Variants in ENOSF1 observed in about 807,000 individuals in gnomAD.
ENOSF1 encodes enolase superfamily member 1, also known as mitochondrial enolase superfamily member 1.
ENOSF1 carries 73 observed loss-of-function variants against 68.2 expected under a neutral mutation model. That is an observed-to-expected ratio of 1.07 (90% CI 0.89 to 1.30). ENOSF1 has a LOEUF of 1.30. Among genes scored for constraint, ENOSF1 ranks in the 50% most tolerant of loss-of-function variants. The probability of loss-of-function intolerance (pLI) is 0.00; values close to 1 mark genes in which losing one functional copy is unlikely to be tolerated. For missense variants in ENOSF1, 589 were observed against 554.5 expected (o/e 1.06, Z -0.62); for synonymous variants, 223 against 210.4 (o/e 1.06, Z -0.52).
chr18:668,944 A>G, downstream of ENOSF1: 1 of 664,126 alleles, frequency 1.5e-6, no homozygotes, highest in Non-Finnish European at 2.5e-6. Flanking sequence ...AGGATGCACC[A>G]GATGTCTTGT....
At chr18:706,694 C>A (rs1224685844) in intron 1 of ENOSF1, 116 bp from the exon 2 acceptor site, 1 of 707,462 alleles carries the variant, frequency 1.4e-6, no homozygotes, top group East Asian at 2.6e-5. Flanking sequence ...CACAAGAGCT[C>A]CCATAGAAGG....
chr18:670,944 T>C lies in ENOSF1; in HGVS notation c.*3361A>G. 1 of 1,520,448 alleles carries C rather than the reference T, an allele frequency of 6.6e-7. No individual in the cohort carries two copies. The highest frequency in any genetic ancestry group is 2.1e-4 in the Middle Eastern group (1 of 4,820). The allele number at this position is 1,520,448 out of a possible 1,614,324, so 94.2% of individuals were successfully genotyped here. Reference sequence around the variant, plus strand: ...AGTTCTTTAATATGGGAAAACAAATTGCAGAGTTTAGTCTCTGATTAGCTT... The same window carrying C: ...AGTTCTTTAATATGGGAAAACAAATCGCAGAGTTTAGTCTCTGATTAGCTT... On this transcript the variant is annotated 3_prime_UTR_variant, in exon 16 of 16. Coordinates refer to ENST00000647584, the MANE Select transcript of ENOSF1 (RefSeq NM_017512.7).
intron 11 of ENOSF1, among the ~76,000 whole-genome samples, chr18:678,939 G>A (rs2075792143): frequency 6.6e-6 from 1 of 152,184 alleles, no homozygotes. Flanking sequence ...GAGCACTGCT[G>A]AGCTGCCACC....
intron 2 of ENOSF1, among the ~76,000 whole-genome samples, chr18:698,264 T>C (rs1254979491): frequency 6.6e-6 from 1 of 152,248 alleles, no homozygotes; most frequent in Non-Finnish European, 1.5e-5. Context: ...ATTATTTTCC[T>C]ATTCACTTTG....
intron 2 of ENOSF1, among the ~76,000 whole-genome samples, chr18:699,055 A>G (rs2078047333): frequency 6.6e-6 from 1 of 152,090 alleles, no homozygotes; most frequent in South Asian, 2.1e-4. Flanking sequence ...GCTATGTTGC[A>G]TGGGGCAGTG....
downstream of ENOSF1, among the ~76,000 whole-genome samples, chr18:666,957 A>ATGGTGATGGAGATGGTGATGGT (rs2074839460): frequency 1.3e-4 from 3 of 22,824 alleles, no homozygotes; most frequent in Admixed American, 9.7e-4. Flanking sequence ...ATGGTGATGG[A>ATGGTGATGGAGATGGTGATGGT]GATGGAGATG....
At chr18:667,992 ATTTTTT>A (rs60409589), downstream of ENOSF1, among the ~76,000 whole-genome samples, 3 of 105,388 alleles carry the variant, frequency 2.8e-5, no homozygotes, top group South Asian at 3.5e-4. Flanking sequence ...ATTCACAGGA[ATTTTTT>A]TTTTTTTTTT....
chr18:693,145 T>TA, intron 5 of ENOSF1: 1 of 1,289,022 alleles, frequency 7.8e-7, no homozygotes, highest in East Asian at 5.6e-5. Flanking sequence ...TTTGCCCAGT[T>TA]TTTTCCTCCT....
chr18:688,443 T>C (rs1367153730), intron 9 of ENOSF1, 131 bp downstream of exon 9: 3 of 1,127,006 alleles, frequency 2.7e-6, no homozygotes, highest in Non-Finnish European at 3.9e-6. Flanking sequence ...ACTTCTCTTA[T>C]GCATCCCTAT....
rs2075093717 is a variant in ENOSF1 at position 672,205 on chromosome 18, C to T, written c.*2100G>A. ...AATGGCAATAAAAATGTAAGTTCAT[C>T]TGCTTCATGAGCCTTAAGGAAAAAA... On this transcript the variant is annotated 3_prime_UTR_variant, in exon 16 of 16. Coordinates refer to ENST00000647584, the MANE Select transcript of ENOSF1 (RefSeq NM_017512.7). 1 of 152,264 alleles carries T rather than the reference C, an allele frequency of 6.6e-6. No homozygotes were observed. Among genetic ancestry groups the T allele is most frequent in the South Asian group, 2.1e-4 (1 of 4,828 alleles). 9.4% of individuals were successfully genotyped at this position (152,264 alleles called of 1,614,324 possible).
intron 3 of ENOSF1, among the ~76,000 whole-genome samples, chr18:695,000 CAG>C (rs1473911440): frequency 6.6e-6 from 1 of 152,164 alleles, no homozygotes; most frequent in Non-Finnish European, 1.5e-5. Context: ...TAATCACACT[CAG>C]GGAATATAAC....
downstream of ENOSF1, chr18:667,571 A>AGATGGTGATGGTGATGGAGATGGT (rs2074880059): frequency 1.4e-4 from 4 of 27,966 alleles, no homozygotes; most frequent in East Asian, 1.5e-3. Flanking sequence ...ATGGTGATGG[A>AGATGGTGATGGTGATGGAGATGGT]GATGGTGATG....
intron 5 of ENOSF1, chr18:692,337 T>C (rs972900744): frequency 2.6e-5 from 4 of 152,228 alleles, no homozygotes; most frequent in East Asian, 1.9e-4. Flanking sequence ...CCAGGTTCGG[T>C]GGCTCACATC....
chr18:706,555 A>G lies in ENOSF1; in HGVS notation c.108T>C (p.Ala36=), dbSNP rs780247501. ...CATCAGTTTCTATGACGACATAGGC[A>G]GCCGAGTAGTCAGGGTCCGTGTGCT... is the stretch of plus-strand genomic sequence containing the variant. The part of the protein sequence containing the change: ...DAMHTDPDYS[A]AYVVIETDAE... Residue 36 remains alanine (A), a synonymous_variant, in exon 2 of 16, where the codon GCT becomes GCC. Transcript: ENST00000647584. 2 of 1,613,764 alleles carry G rather than the reference A, an allele frequency of 1.2e-6. No homozygotes were observed. The highest frequency in any genetic ancestry group is 2.2e-5 in the East Asian group (1 of 44,884).
chr18:694,888 A>T (rs904983725), intron 3 of ENOSF1, among the ~76,000 whole-genome samples: 2 of 152,090 alleles, frequency 1.3e-5, no homozygotes, highest in Non-Finnish European at 1.5e-5. Flanking sequence ...TTTTTTCTGA[A>T]CCATTTGAAT....
chr18:672,722 G>GCAAGGT lies in ENOSF1; in HGVS notation c.*1577_*1582dup. 1.1e-6 allele frequency: 1 copy of GCAAGGT among 937,776 alleles called. No individual in the cohort carries two copies. The allele number at this position is 937,776 out of a possible 1,614,324, so 58.1% of individuals were successfully genotyped here. A position where few individuals can be genotyped will look rare whatever the true frequency, so the allele number is the denominator to read the frequency against. ...CTCCAATCATGTTACATAACCTACG[G>GCAAGGT]CAAGGTATCGACAGGATCATACTCC... On this transcript the variant is annotated 3_prime_UTR_variant, in exon 16 of 16. Transcript: ENST00000647584.
chr18:690,301 G>A (rs1439062837), intron 8 of ENOSF1, among the ~76,000 whole-genome samples: 1 of 150,816 alleles, frequency 6.6e-6, no homozygotes, highest in Non-Finnish European at 1.5e-5. Flanking sequence ...GGGCAGTCCT[G>A]TAAGACTGAG....
chr18:681,061 C>T (rs2076031563), intron 11 of ENOSF1, among the ~76,000 whole-genome samples: 1 of 152,106 alleles, frequency 6.6e-6, no homozygotes, highest in Admixed American at 6.6e-5. Context: ...GAGGTTTCAC[C>T]ATGTTGGCCA....
chr18:668,622 G>A (rs758047641), downstream of ENOSF1, among the ~76,000 whole-genome samples: 21 of 152,190 alleles, frequency 1.4e-4, no homozygotes, highest in African/African-American at 4.8e-4. Context: ...GAAAGTATAT[G>A]GAATACTATA....
Sources: allele counts gnomAD v4.1 joint callset (sites outside exome capture counted in the v4.1 genomes callset), GRCh38; gene constraint gnomAD v4.1.1; transcripts MANE v1.5; gene names NCBI Gene and HGNC (gene_info 2026-07-23, HGNC 2026-07-21).